ATRN: variants seen among roughly 807,000 people sequenced by gnomAD.
The protein encoded by ATRN is attractin.
In ATRN, 54 loss-of-function variants were observed where a neutral mutation model predicts 178.7. That is an observed-to-expected ratio of 0.30 (90% confidence interval 0.24 to 0.38). The LOEUF is 0.38. Ranked by LOEUF, ATRN falls within the 10% of genes least tolerant of loss-of-function variation. The pLI is 1.00. For synonymous variants in ATRN, 636 were observed against 663.0 expected (o/e 0.96, Z 0.63); for missense variants, 1,443 against 1,815.1 (o/e 0.79, Z 3.73).
rs376052647 is a variant in ATRN, at chr20:3,514,354, A to C, written c.411-20899A>C. ...AGCATAGGAAAATAGGTGAAATTCT[A>C]TTCTTGTTTTCATACAGCCAGCATC... On this transcript the variant is annotated intron_variant, in intron 1 of 28. Transcript: ENST00000262919. 9.8e-5 allele frequency among the ~76,000 whole-genome samples: 15 copies of C among 152,332 alleles called. No individual in the cohort carries two copies. The East Asian group carries it at 1.5e-3, about 16-fold the overall frequency.
intron 1 of ATRN, among the ~76,000 whole-genome samples, chr20:3,523,642 A>G (rs1003774886): frequency 3.3e-5 from 5 of 152,206 alleles, no homozygotes; most frequent in Non-Finnish European, 5.9e-5. Flanking sequence ...GAAATGAAGG[A>G]AAAAGTGTTA....
intron 25 of ATRN, among the ~76,000 whole-genome samples, chr20:3,626,029 C>G (rs973122073): frequency 6.6e-6 from 1 of 152,088 alleles, no homozygotes; most frequent in Middle Eastern, 3.4e-3. Context: ...CTCAGGAGTT[C>G]GAGACCAGCC....
At chr20:3,579,708 C>T (rs540860407) in intron 15 of ATRN, among the ~76,000 whole-genome samples, 5 of 152,216 alleles carry the variant, frequency 3.3e-5, no homozygotes, top group East Asian at 1.9e-4. Flanking sequence ...GTGATCCTAC[C>T]GTCAGTTAAG....
chr20:3,584,152 C>A, intron 17 of ATRN, 69 bp downstream of exon 17: 2 of 1,496,838 alleles, frequency 1.3e-6, no homozygotes, highest in South Asian at 1.2e-5. Context: ...AGCCATGAGG[C>A]TGTGCTGTCA....
At chr20:3,479,807 A>G (rs899700198) in intron 1 of ATRN, among the ~76,000 whole-genome samples, 4 of 152,132 alleles carry the variant, frequency 2.6e-5, no homozygotes, top group African/African-American at 7.2e-5. Flanking sequence ...TTGTAGATGC[A>G]TCACTTCAGC....
chr20:3,597,659 T>G (rs2086549947), intron 21 of ATRN, among the ~76,000 whole-genome samples: 1 of 152,190 alleles, frequency 6.6e-6, no homozygotes, highest in African/African-American at 2.4e-5. Flanking sequence ...TTTCAGATAA[T>G]TATGGACGTT....
At chr20:3,533,556 G>A (rs1023939414) in intron 1 of ATRN, among the ~76,000 whole-genome samples, 2 of 152,144 alleles carry the variant, frequency 1.3e-5, no homozygotes, top group Admixed American at 6.5e-5. Flanking sequence ...TAGAATTTGG[G>A]TATAATAGCT....
rs33999405 is a variant in ATRN, at chr20:3,626,781, C to CTTT, written c.3863+2226_3863+2228dup. On this transcript the variant is annotated intron_variant, in intron 25 of 28. Coordinates refer to ENST00000262919, the MANE Select transcript of ATRN (RefSeq NM_139321.3). Reference sequence around the variant, plus strand: ...TTTTTGAAATGCATATGAATTATTTCTTTTTTTTTTTTTTTTTTTGAAACT... The same window carrying CTTT: ...TTTTTGAAATGCATATGAATTATTTCTTTTTTTTTTTTTTTTTTTTTTGAAACT... 8.3e-3 allele frequency among the ~76,000 whole-genome samples: 983 copies of CTTT among 118,108 alleles called. 34 individuals carry two copies. Among genetic ancestry groups the CTTT allele is most frequent in the African/African-American group, 0.022 (688 of 30,742 alleles). 77.5% of individuals were successfully genotyped at this position (118,108 alleles called of 152,430 possible). A position where few individuals can be genotyped will look rare whatever the true frequency, so the allele number is the denominator to read the frequency against.
intron 25 of ATRN, among the ~76,000 whole-genome samples, chr20:3,625,960 T>C (rs1444475390): frequency 6.6e-6 from 1 of 152,128 alleles, no homozygotes; most frequent in Admixed American, 6.6e-5. Context: ...GGGCAGGTGC[T>C]ATGGCTCACA....
chr20:3,524,513 G>A (rs1281382825), intron 1 of ATRN, among the ~76,000 whole-genome samples: 2 of 152,134 alleles, frequency 1.3e-5, no homozygotes, highest in African/African-American at 2.4e-5. Flanking sequence ...CAATGAGACA[G>A]AAAATTAACA....
chr20:3,519,006 T>TATAAAAAAAAAAAAAAAAAAAAAA (rs770584938), intron 1 of ATRN, among the ~76,000 whole-genome samples: 2 of 119,492 alleles, frequency 1.7e-5, no homozygotes, highest in African/African-American at 3.4e-5. Context: ...TCCTTATATA[T>TATAAAAAAAAAAAAAAAAAAAAAA]AAAAAAAAAA....
At chr20:3,514,600 T>C (rs2085181115) in intron 1 of ATRN, among the ~76,000 whole-genome samples, 1 of 152,192 alleles carries the variant, frequency 6.6e-6, no homozygotes, top group Non-Finnish European at 1.5e-5. Flanking sequence ...TTTTAGTAGA[T>C]AGATAATTTT....
chr20:3,644,335 C>T (rs2087091539), intron 28 of ATRN, 67 bp downstream of exon 28: 2 of 1,325,724 alleles, frequency 1.5e-6, no homozygotes. Flanking sequence ...TGGGATACTT[C>T]CCTTTCCTAG....
In ATRN at chr20:3,485,610, G is replaced by GTTTTTTTTTTTTTTTTT. The variant is rs3084238; in HGVS notation, c.410+14106_410+14122dup. Among the ~76,000 whole-genome samples the GTTTTTTTTTTTTTTTTT allele has an allele frequency of 5.6e-4, 38 of 67,918 alleles. 6 individuals carry two copies. Among genetic ancestry groups the GTTTTTTTTTTTTTTTTT allele is most frequent in the African/African-American group, 1.5e-3 (28 of 18,130 alleles). 44.6% of individuals were successfully genotyped at this position (67,918 alleles called of 152,430 possible). ...TGGTTTGCCAATACATTTTTTTGAG[G>GTTTTTTTTTTTTTTTTT]TTTTTTTTTTTTTTTTTTTTTTTTT... On this transcript the variant is annotated intron_variant, in intron 1 of 28. Coordinates refer to ENST00000262919, the MANE Select transcript of ATRN (RefSeq NM_139321.3).
chr20:3,495,767 GA>G (rs894435615), intron 1 of ATRN, among the ~76,000 whole-genome samples: 36 of 142,864 alleles, frequency 2.5e-4, no homozygotes, highest in African/African-American at 9.0e-4. Context: ...ATTGTTAAAT[GA>G]AAAAAAAAAC....
intron 2 of ATRN, among the ~76,000 whole-genome samples, chr20:3,536,797 G>A (rs2085539470): frequency 6.6e-6 from 1 of 152,036 alleles, no homozygotes. Flanking sequence ...AAGAAGATGA[G>A]GCCTCACTTG....
At chr20:3,629,535 C>T (rs1346703799) in intron 25 of ATRN, among the ~76,000 whole-genome samples, 1 of 152,242 alleles carries the variant, frequency 6.6e-6, no homozygotes, top group Non-Finnish European at 1.5e-5. Context: ...AACTCAGTGT[C>T]TCACAGTTCA....
At chr20:3,494,285 A>ATTCTCCCCGTCACTTTCAG (rs2084847334) in intron 1 of ATRN, among the ~76,000 whole-genome samples, 1 of 152,216 alleles carries the variant, frequency 6.6e-6, no homozygotes, top group South Asian at 2.1e-4. Context: ...TCTGGGGAGC[A>ATTCTCCCCGTCACTTTCAG]GTGGCTAGTG....
intron 1 of ATRN, among the ~76,000 whole-genome samples, chr20:3,477,165 A>G (rs559081049): frequency 4.6e-5 from 5 of 108,372 alleles, no homozygotes; most frequent in South Asian, 5.8e-4. Flanking sequence ...CCCCAGTGCA[A>G]TGTAAGTTCC....
Sources: gnomAD v4.1 joint callset for allele counts (sites outside exome capture counted in the v4.1 genomes callset) on GRCh38, gnomAD v4.1.1 for gene constraint, MANE v1.5 for transcripts, NCBI Gene and HGNC (gene_info 2026-07-23, HGNC 2026-07-21) for gene names.